VDAC1: variants seen among roughly 807,000 people sequenced by gnomAD.
VDAC1 encodes non-selective voltage-gated ion channel VDAC1.
VDAC1 carries 10 observed loss-of-function variants against 34.7 expected under a neutral mutation model. The ratio of observed to expected loss-of-function variants is 0.29; its 90% CI spans 0.18 to 0.49. VDAC1 has a LOEUF of 0.49. Among genes scored for constraint, VDAC1 ranks in the 20% least tolerant of loss-of-function variants. The pLI is 0.99. For missense variants in VDAC1, 230 were observed against 347.9 expected, an observed-to-expected ratio of 0.66 and a Z score of 2.69; for synonymous variants, 130 against 136.0, an observed-to-expected ratio of 0.96 and a Z score of 0.30.
the VDAC1 span, among the ~76,000 whole-genome samples, chr5:134,065,937 G>GC: frequency 1.3e-5 from 2 of 151,464 alleles, no homozygotes; most frequent in Non-Finnish European, 2.9e-5. Flanking sequence ...GGGATTACAG[G>GC]CCCCCGCCAC....
the VDAC1 span, among the ~76,000 whole-genome samples, chr5:134,048,851 G>C: frequency 6.6e-6 from 1 of 151,786 alleles, no homozygotes; most frequent in East Asian, 1.9e-4. Flanking sequence ...ATTTACTACT[G>C]CAGCTCCAGT....
In VDAC1 at chr5:133,990,913, C is replaced by A. The variant is rs1277051843; in HGVS notation, c.271-6G>T. The A allele has an allele frequency of 6.3e-7, 1 of 1,588,114 alleles. No individual in the cohort carries two copies. The highest frequency in any genetic ancestry group is 1.7e-5 in the Admixed American group (1 of 58,426). On this transcript the variant is annotated splice_region_variant and splice_polypyrimidine_tract_variant and intron_variant, in intron 4 of 8. Coordinates refer to ENST00000265333, the MANE Select transcript of VDAC1 (RefSeq NM_003374.3). Reference sequence around the variant, plus strand: ...AGCTTCAGTCCACGTGCAAGCTGAACAGAAAAGAAATTTGCCACTAGATTT... The same window carrying A: ...AGCTTCAGTCCACGTGCAAGCTGAAAAGAAAAGAAATTTGCCACTAGATTT...
At chr5:134,001,758 A>C (rs188277949) in intron 1 of VDAC1, among the ~76,000 whole-genome samples, 165 of 151,586 alleles carry the variant, frequency 1.1e-3, no homozygotes, top group African/African-American at 3.9e-3. Context: ...CTGAGGCACA[A>C]GACAGTGACT....
the VDAC1 span, among the ~76,000 whole-genome samples, chr5:134,011,517 G>A: frequency 6.6e-6 from 1 of 151,882 alleles, no homozygotes; most frequent in Non-Finnish European, 1.5e-5. Flanking sequence ...TTCTATGAGT[G>A]TGATTATTCT....
At chr5:134,036,861 G>A in the VDAC1 span, among the ~76,000 whole-genome samples, 1 of 151,446 alleles carries the variant, frequency 6.6e-6, no homozygotes, top group Non-Finnish European at 1.5e-5. Flanking sequence ...GCTGAGGCAG[G>A]AGAATGGTGT....
intron 6 of VDAC1, among the ~76,000 whole-genome samples, chr5:133,978,638 A>G (rs11949331): frequency 0.017 from 2,657 of 152,306 alleles, 73 homozygotes; most frequent in African/African-American, 0.061. Flanking sequence ...TTGGGCTTAC[A>G]TGTTTTTAAA....
At chr5:134,081,781 A>T in the VDAC1 span, 1 of 152,514 alleles carries the variant, frequency 6.6e-6, no homozygotes, top group Admixed American at 6.5e-5. Flanking sequence ...AGGCAAAAAC[A>T]CAGGGTCTAG....
chr5:133,990,733 C>G (rs756506062), intron 5 of VDAC1, 122 bp downstream of exon 5: 85 of 1,156,904 alleles, frequency 7.3e-5, no homozygotes, highest in Non-Finnish European at 6.1e-6. Context: ...GGACTTAAAT[C>G]GCCAGGTCTC....
the VDAC1 span, among the ~76,000 whole-genome samples, chr5:134,090,076 C>T: frequency 2.0e-5 from 3 of 152,304 alleles, no homozygotes; most frequent in African/African-American, 2.4e-5. Flanking sequence ...CTCGTCCAGT[C>T]TGGGGAGGAC....
the VDAC1 span, among the ~76,000 whole-genome samples, chr5:134,075,263 G>A: frequency 4.0e-5 from 6 of 149,676 alleles, no homozygotes; most frequent in East Asian, 2.0e-4. Flanking sequence ...CTATTCATAC[G>A]ATTCACACTG....
the VDAC1 span, among the ~76,000 whole-genome samples, chr5:134,109,226 T>C: frequency 6.6e-6 from 1 of 152,224 alleles, no homozygotes; most frequent in Admixed American, 6.5e-5. Context: ...AACAAAGCCC[T>C]GTATAGCCCT....
At chr5:134,012,056 AAAGAAAGAAAAAAAG>A in the VDAC1 span, among the ~76,000 whole-genome samples, 1 of 151,762 alleles carries the variant, frequency 6.6e-6, no homozygotes, top group African/African-American at 2.4e-5. Flanking sequence ...AGAAAAAGAG[AAAGAAAGAAAAAAAG>A]AAGAAAGAAA....
chr5:134,005,665 G>A (rs1410279638), upstream of VDAC1: 2 of 152,268 alleles, frequency 1.3e-5, no homozygotes, highest in Non-Finnish European at 2.9e-5. Context: ...GACCAGCCGG[G>A]GCGTGTCCTG....
the VDAC1 span, among the ~76,000 whole-genome samples, chr5:134,111,987 T>C: frequency 2.6e-5 from 4 of 152,226 alleles, no homozygotes; most frequent in African/African-American, 7.2e-5. Flanking sequence ...TGTGAAGCTC[T>C]TGACAGGATG....
the VDAC1 span, among the ~76,000 whole-genome samples, chr5:134,082,971 T>G: frequency 6.6e-6 from 1 of 152,342 alleles, no homozygotes; most frequent in East Asian, 1.9e-4. Flanking sequence ...GAGATGCATC[T>G]TACAATTGAT....
At chr5:133,998,271 G>A (rs1024525310) in intron 1 of VDAC1, among the ~76,000 whole-genome samples, 1 of 152,164 alleles carries the variant, frequency 6.6e-6, no homozygotes, top group African/African-American at 2.4e-5. Context: ...TGGAGAAGGA[G>A]GTTTAGGGAA....
chr5:134,078,588 T>C, the VDAC1 span, among the ~76,000 whole-genome samples: 668 of 151,320 alleles, frequency 4.4e-3, 13 homozygotes, highest in East Asian at 0.056. Context: ...ATTTGCCACA[T>C]AGCAGGTGTG....
At position 133,984,493 on chromosome 5, in the gene VDAC1, T is replaced by C. The variant is rs946787704; in HGVS notation, c.324-3537A>G. Among the ~76,000 whole-genome samples, 4 of 149,672 alleles carry C rather than the reference T, an allele frequency of 2.7e-5. No individual in the cohort carries two copies. In the Admixed American group the frequency reaches 2.7e-4, roughly 10 times the overall value. On this transcript the variant is annotated intron_variant, in intron 5 of 8. Transcript: ENST00000265333. Reference sequence around the variant, plus strand: ...GTAGATGGGGTTTCACCATGTTACCTAGGCTGGTCTCCAACTCCTGGGCTC... The same window carrying C: ...GTAGATGGGGTTTCACCATGTTACCCAGGCTGGTCTCCAACTCCTGGGCTC...
At chr5:134,050,676 A>G in the VDAC1 span, among the ~76,000 whole-genome samples, 1 of 152,228 alleles carries the variant, frequency 6.6e-6, no homozygotes, top group Non-Finnish European at 1.5e-5. Flanking sequence ...GAATTCTCCT[A>G]ATGGGAATTA....
Sources: gnomAD v4.1 joint callset for allele counts (sites outside exome capture counted in the v4.1 genomes callset) on GRCh38, gnomAD v4.1.1 for gene constraint, MANE v1.5 for transcripts, NCBI Gene and HGNC (gene_info 2026-07-23, HGNC 2026-07-21) for gene names.